Variants in MRS2 observed in about 807,000 individuals in gnomAD.
MRS2 encodes magnesium transporter MRS2 homolog, mitochondrial.
MRS2 carries 40 observed loss-of-function variants against 52.6 expected under a neutral mutation model. The observed-to-expected ratio is 0.76, with a 90% CI of 0.59 to 0.99. The LOEUF (loss-of-function observed/expected upper bound fraction) is 0.99. Ranked by LOEUF, MRS2 falls within the 50% of genes least tolerant of loss-of-function variation. The probability of loss-of-function intolerance (pLI) is 0.00; values close to 1 mark genes in which losing one functional copy is unlikely to be tolerated. For missense variants in MRS2, 472 were observed against 532.7 expected, an observed-to-expected ratio of 0.89 and a Z score of 1.12; for synonymous variants, 193 against 195.9, an observed-to-expected ratio of 0.98 and a Z score of 0.13.
In MRS2 at chr6:24,409,538, A is replaced by G. The variant is rs759978063; in HGVS notation, c.379A>G (p.Thr127Ala). The G allele has an allele frequency of 1.2e-6, 2 of 1,605,548 alleles. No homozygotes were observed. The highest frequency in any genetic ancestry group is 2.7e-5 in the African/African-American group (2 of 74,748). ...GAGATTTCAGCATGTAATGAGTATC[A>G]CAGTCAGAAACAATAGGATTATCAT... Reference protein sequence around the residue: ...DLRFQHVMSITVRNNRIIMRM... With the variant: ...DLRFQHVMSIAVRNNRIIMRM... The change falls in exon 4 of 11, where the codon ACA becomes GCA. Residue 127 changes from threonine to alanine, a missense_variant. Thr to Ala is a moderately conservative substitution (Grantham distance 58, BLOSUM62 0). Coordinates refer to ENST00000378386, the MANE Select transcript of MRS2 (RefSeq NM_020662.4).
In MRS2 at chr6:24,423,048, A is replaced by G. The variant is rs200445138; in HGVS notation, c.1219A>G (p.Met407Val). ...GRQLEAPLPPMMASLPKKTLL... is the reference protein window; with the variant it reads ...GRQLEAPLPPVMASLPKKTLL... The stretch of plus-strand genomic sequence containing the variant: ...ACAGCTAGAAGCTCCATTGCCTCCT[A>G]TGGTATGAAGGATATGGTTCACGGC... Residue 407 changes from methionine (M) to valine (V), a missense_variant and splice_region_variant, in exon 10 of 11, where the codon ATG (methionine) becomes GTG (valine). Met to Val is a conservative substitution (Grantham distance 21, BLOSUM62 1). Transcript: ENST00000378386. The G allele has an allele frequency of 3.7e-6, 6 of 1,612,154 alleles. No individual in the cohort carries two copies. The highest frequency in any genetic ancestry group is 3.3e-5 in the South Asian group (3 of 91,022).
intron 3 of MRS2, 38 bp from the exon 4 acceptor site, chr6:24,409,423 G>C (rs185388179): frequency 7.9e-7 from 1 of 1,265,424 alleles, no homozygotes; most frequent in African/African-American, 1.5e-5. Flanking sequence ...GCCATTTAAT[G>C]TATTTGGTTT....
chr6:24,410,148 T>A (rs2127286209), intron 4 of MRS2, among the ~76,000 whole-genome samples: 1 of 152,202 alleles, frequency 6.6e-6, no homozygotes, highest in East Asian at 1.9e-4. Context: ...CCCAGCTAAT[T>A]TTGTATTTTT....
chr6:24,408,361 T>C, intron 2 of MRS2, 47 bp from the exon 3 acceptor site: 1 of 1,260,084 alleles, frequency 7.9e-7, no homozygotes, highest in East Asian at 2.3e-5. Context: ...ATAAGTAGCA[T>C]TCTAATTTGA....
In MRS2 at chr6:24,416,699, A is replaced by T. The variant is rs192805834; in HGVS notation, c.836+186A>T. Among the ~76,000 whole-genome samples the T allele has an allele frequency of 7.2e-5, 11 of 152,284 alleles. No homozygotes were observed. In the East Asian group the frequency reaches 1.4e-3, roughly 19 times the overall value. The stretch of plus-strand genomic sequence containing the variant: ...TCTAATTCAATGTAATTCTATGAGT[A>T]TGCATACTGCATACCCAACACTGCT... On this transcript the variant is annotated intron_variant, in intron 7 of 10. Transcript: ENST00000378386.
intron 5 of MRS2, among the ~76,000 whole-genome samples, chr6:24,414,753 A>G (rs946595983): frequency 1.3e-5 from 2 of 152,160 alleles, no homozygotes; most frequent in African/African-American, 4.8e-5. Flanking sequence ...CACCTCCCGG[A>G]CGGGGCGGCT....
chr6:24,412,804 C>G (rs142804771), intron 5 of MRS2, among the ~76,000 whole-genome samples: 184 of 152,274 alleles, frequency 1.2e-3, no homozygotes, highest in South Asian at 8.9e-3. Context: ...AGACTCCTGT[C>G]AGGCTCTAAA....
At chr6:24,423,246 ATG>A in intron 10 of MRS2, 196 bp downstream of exon 10, 1 of 553,956 alleles carries the variant, frequency 1.8e-6, no homozygotes, top group South Asian at 2.5e-5. Flanking sequence ...ATTAAACAAT[ATG>A]TGTAAAGCAC....
intron 7 of MRS2, 128 bp from the exon 8 acceptor site, chr6:24,417,947 AAAAAAAGAC>A: frequency 4.5e-6 from 3 of 670,796 alleles, no homozygotes; most frequent in South Asian, 2.5e-5. Flanking sequence ...TCTCAAAAAA[AAAAAAAGAC>A]AAGACAAGAC....
Position 24,418,099 on chromosome 6 carries a change from T to C in MRS2, c.852T>C (p.Ala284=). 3 of 1,612,872 alleles carry C rather than the reference T, an allele frequency of 1.9e-6. No homozygotes were observed. Among genetic ancestry groups the C allele is most frequent in the Non-Finnish European group, 2.5e-6 (3 of 1,179,628 alleles). ...SDPQVFEKSS[A]GIDHAEEMEL... is the part of the protein sequence containing the mutation. Reference sequence around the variant, plus strand: ...TTAATTGAAGTGAAAAGAGCAGTGCTGGGATTGACCATGCAGAAGAGATGG... The same window carrying C: ...TTAATTGAAGTGAAAAGAGCAGTGCCGGGATTGACCATGCAGAAGAGATGG... Residue 284 remains alanine, a synonymous_variant, in exon 8 of 11, where the codon GCT becomes GCC. Transcript: ENST00000378386.
At chr6:24,406,942 TA>T (rs1360044470) in intron 2 of MRS2, among the ~76,000 whole-genome samples, 3 of 152,176 alleles carry the variant, frequency 2.0e-5, no homozygotes, top group African/African-American at 7.2e-5. Flanking sequence ...ACAAAGTAAA[TA>T]TTTTTTTCTT....
intron 4 of MRS2, chr6:24,410,840 A>G (rs1479466202): frequency 9.3e-7 from 1 of 1,073,058 alleles, no homozygotes; most frequent in Admixed American, 2.0e-5. Flanking sequence ...TAATTGTGTA[A>G]TCTAACTGGT....
At chr6:24,417,082 C>T (rs761853363) in intron 7 of MRS2, among the ~76,000 whole-genome samples, 18 of 152,168 alleles carry the variant, frequency 1.2e-4, no homozygotes, top group Non-Finnish European at 2.6e-4. Flanking sequence ...TTAGTTTCCA[C>T]AGTCTGTACA....
chr6:24,408,450 T>A lies in MRS2; in HGVS notation c.301+6T>A. 6.4e-7 allele frequency: 1 copy of A among 1,574,370 alleles called. No homozygotes were observed. The highest frequency in any genetic ancestry group is 8.7e-7 in the Non-Finnish European group (1 of 1,145,590). On this transcript the variant is annotated splice_donor_region_variant and intron_variant, in intron 3 of 10. Transcript: ENST00000378386. ...GGGAAACGTTACTTCTTTTGGTGAG[T>A]GATTAGCATTCTAAATCATTTTTTA...
At chr6:24,408,489 T>C in intron 3 of MRS2, 45 bp downstream of exon 3, 1 of 1,280,864 alleles carries the variant, frequency 7.8e-7, no homozygotes, top group Non-Finnish European at 1.1e-6. Flanking sequence ...ATTTAATGAG[T>C]GAATCTGATA....
chr6:24,416,330 AAC>A (rs1761847060), intron 6 of MRS2, 65 bp from the exon 7 acceptor site: 1 of 695,794 alleles, frequency 1.4e-6, no homozygotes, highest in Non-Finnish European at 2.5e-6. Flanking sequence ...ATACTCTAAA[AAC>A]ACTATTATGA....
intron 4 of MRS2, among the ~76,000 whole-genome samples, chr6:24,410,247 G>A (rs1761606810): frequency 6.6e-6 from 1 of 152,138 alleles, no homozygotes; most frequent in African/African-American, 2.4e-5. Flanking sequence ...CCAAAGTGCT[G>A]GGATTACAGG....
intron 1 of MRS2, 133 bp downstream of exon 1, chr6:24,403,369 G>GCA: frequency 1.1e-6 from 1 of 881,562 alleles, no homozygotes; most frequent in Non-Finnish European, 1.6e-6. Flanking sequence ...CGTGTCCTGT[G>GCA]AGCTTGCACA....
chr6:24,423,077 ATT>A, intron 10 of MRS2, 27 bp downstream of exon 10: 5 of 1,572,676 alleles, frequency 3.2e-6, no homozygotes, highest in Non-Finnish European at 4.4e-6. Flanking sequence ...TCACGGCGGT[ATT>A]GTGGAAGGGT....
Sources: gnomAD v4.1 joint callset for allele counts (sites outside exome capture counted in the v4.1 genomes callset) on GRCh38, gnomAD v4.1.1 for gene constraint, MANE v1.5 for transcripts, NCBI Gene and HGNC (gene_info 2026-07-23, HGNC 2026-07-21) for gene names.